The following SVIL variants were observed in gnomAD, a reference collection of about 807,000 sequenced individuals.
SVIL encodes archvillin.
Under a neutral mutation model 240.4 loss-of-function variants are expected in SVIL, and 101 were observed. The ratio of observed to expected loss-of-function variants is 0.42; its 90% confidence interval spans 0.36 to 0.50. The LOEUF (loss-of-function observed/expected upper bound fraction) is 0.50. Among genes scored for constraint, SVIL ranks in the 20% least tolerant of loss-of-function variants. The pLI is 0.01. For synonymous variants in SVIL, 999 were observed against 1,100.0 expected, an observed-to-expected ratio of 0.91 and a Z score of 1.82; for missense variants, 2,512 against 2,818.7, an observed-to-expected ratio of 0.89 and a Z score of 2.46.
intron 17 of SVIL, among the ~76,000 whole-genome samples, chr10:29,507,329 G>A (rs754013686): frequency 9.2e-5 from 14 of 152,108 alleles, no homozygotes; most frequent in East Asian, 1.9e-4. Context: ...ACTCAGGATC[G>A]AAGCTCAGAG....
chr10:29,583,189 G>A (rs1380767810), intron 1 of SVIL, among the ~76,000 whole-genome samples: 2 of 152,164 alleles, frequency 1.3e-5, no homozygotes, highest in Non-Finnish European at 2.9e-5. Flanking sequence ...TCTCAGAAGG[G>A]CATCTTAATA....
At chr10:29,663,414 A>C (rs1426154967) in intron 2 of SVIL, among the ~76,000 whole-genome samples, 1 of 152,096 alleles carries the variant, frequency 6.6e-6, no homozygotes, top group Non-Finnish European at 1.5e-5. Context: ...TTTGAGACAC[A>C]GTCTCCCTCT....
chr10:29,699,837 T>C (rs566708996), intron 1 of SVIL, among the ~76,000 whole-genome samples: 3 of 152,334 alleles, frequency 2.0e-5, no homozygotes, highest in Admixed American at 6.5e-5. Flanking sequence ...ATGTCTGCTA[T>C]GCAGTGTCCT....
chr10:29,618,154 G>GA (rs1357933750), intron 1 of SVIL, among the ~76,000 whole-genome samples: 5 of 152,200 alleles, frequency 3.3e-5, no homozygotes, highest in African/African-American at 1.2e-4. Flanking sequence ...TCCTCTTGAG[G>GA]AGGGAGGGTG....
intron 6 of SVIL, among the ~76,000 whole-genome samples, chr10:29,539,660 G>A (rs755441294): frequency 8.5e-5 from 13 of 152,070 alleles, no homozygotes; most frequent in Non-Finnish European, 1.9e-4. Flanking sequence ...CTACACTTTC[G>A]ACACTCCCCT....
chr10:29,497,044 T>C (rs1053728263), intron 18 of SVIL, among the ~76,000 whole-genome samples: 4 of 152,138 alleles, frequency 2.6e-5, no homozygotes, highest in African/African-American at 9.7e-5. Flanking sequence ...ATGCAGAAAA[T>C]TGGCAAATGG....
intron 29 of SVIL, 106 bp from the exon 30 acceptor site, chr10:29,474,095 G>T: frequency 1.4e-6 from 2 of 1,454,056 alleles, no homozygotes; most frequent in Non-Finnish European, 1.8e-6. Context: ...GTGGCAAAGA[G>T]CCTCGGACCT....
At chr10:29,539,172 TAAATA>T (rs1272161835) in intron 6 of SVIL, among the ~76,000 whole-genome samples, 3 of 138,728 alleles carry the variant, frequency 2.2e-5, no homozygotes, top group Non-Finnish European at 4.9e-5. Flanking sequence ...CTCTAATAAA[TAAATA>T]AATAAATAAA....
At chr10:29,731,674 T>A (rs1015656111) in intron 1 of SVIL, among the ~76,000 whole-genome samples, 5 of 152,156 alleles carry the variant, frequency 3.3e-5, no homozygotes, top group African/African-American at 9.6e-5. Flanking sequence ...TAAAAAAAAA[T>A]GTTAATTCTG....
At chr10:29,654,213 T>C (rs962149363) in intron 3 of SVIL, among the ~76,000 whole-genome samples, 2 of 152,160 alleles carry the variant, frequency 1.3e-5, no homozygotes, top group Non-Finnish European at 2.9e-5. Flanking sequence ...CTTTAGTTTC[T>C]TTCAATGATG....
intron 1 of SVIL, among the ~76,000 whole-genome samples, chr10:29,626,172 A>G (rs1957858451): frequency 1.4e-4 from 22 of 152,218 alleles, no homozygotes; most frequent in Admixed American, 1.4e-3. Flanking sequence ...TTTGCCAAGA[A>G]GTAGATCTTA....
intron 1 of SVIL, among the ~76,000 whole-genome samples, chr10:29,602,709 G>A (rs1248782870): frequency 2.0e-5 from 3 of 151,750 alleles, no homozygotes; most frequent in African/African-American, 4.8e-5. Flanking sequence ...GGAGAGGCCG[G>A]GCGCTGTGGC....
intron 1 of SVIL, among the ~76,000 whole-genome samples, chr10:29,583,552 G>A (rs1391881223): frequency 1.3e-5 from 2 of 151,942 alleles, no homozygotes; most frequent in Non-Finnish European, 2.9e-5. Context: ...CTCCCACCTC[G>A]GCCTCCTAGA....
intron 6 of SVIL, among the ~76,000 whole-genome samples, chr10:29,544,754 TAAAAAA>T (rs373279682): frequency 1.4e-5 from 1 of 70,318 alleles, no homozygotes; most frequent in Admixed American, 1.8e-4. Context: ...AGACCTTTTC[TAAAAAA>T]AAAAAAAAAA....
chr10:29,700,961 A>G (rs1564776342), intron 1 of SVIL, among the ~76,000 whole-genome samples: 1 of 152,174 alleles, frequency 6.6e-6, no homozygotes. Context: ...CTGTAGACCC[A>G]GCTGGTAGGG....
chr10:29,713,385 A>G (rs188398672), intron 1 of SVIL, among the ~76,000 whole-genome samples: 101 of 152,288 alleles, frequency 6.6e-4, no homozygotes, highest in Non-Finnish European at 1.3e-3. Flanking sequence ...AATAACCACT[A>G]AAATAATTTT....
At chr10:29,557,180 C>T (rs1446341296) in intron 3 of SVIL, among the ~76,000 whole-genome samples, 6 of 152,078 alleles carry the variant, frequency 3.9e-5, no homozygotes, top group Non-Finnish European at 7.3e-5. Flanking sequence ...ACTGCAGCCT[C>T]AACTTCCCAG....
intron 2 of SVIL, among the ~76,000 whole-genome samples, chr10:29,672,413 G>A (rs551915424): frequency 3.4e-4 from 51 of 152,146 alleles, no homozygotes; most frequent in African/African-American, 1.1e-3. Flanking sequence ...GGTTGAGGCT[G>A]CAGTGAGCCG....
At chr10:29,732,941 C>T (rs1381187204) in intron 1 of SVIL, among the ~76,000 whole-genome samples, 1 of 151,954 alleles carries the variant, frequency 6.6e-6, no homozygotes, top group Non-Finnish European at 1.5e-5. Context: ...GCTGAAAGGC[C>T]CACCACAAAA....
Sources: allele counts gnomAD v4.1 joint callset (sites outside exome capture counted in the v4.1 genomes callset), GRCh38; gene constraint gnomAD v4.1.1; transcripts MANE v1.5; gene names NCBI Gene and HGNC (gene_info 2026-07-23, HGNC 2026-07-21).